Variants in SOX6 observed in about 807,000 individuals in gnomAD.
SOX6 encodes transcription factor SOX-6.
A neutral mutation model predicts 97.8 loss-of-function variants in SOX6; 11 were observed. The observed-to-expected ratio is 0.11, with a 90% CI of 0.07 to 0.19. SOX6 has a LOEUF of 0.19. Ranked by LOEUF, SOX6 falls within the 10% of genes least tolerant of loss-of-function variation. The pLI is 1.00. For synonymous variants in SOX6, 360 were observed against 371.4 expected (o/e 0.97, Z 0.35); for missense variants, 810 against 1,039.5 (o/e 0.78, Z 3.04).
At chr11:16,082,131 T>A (rs1019045737) in intron 9 of SOX6, among the ~76,000 whole-genome samples, 1 of 152,210 alleles carries the variant, frequency 6.6e-6, no homozygotes, top group Non-Finnish European at 1.5e-5. Context: ...CCCATCTTTT[T>A]AGAATCAGCC....
chr11:16,448,294 C>G (rs1371533662), intron 1 of SOX6, among the ~76,000 whole-genome samples: 3 of 152,200 alleles, frequency 2.0e-5, no homozygotes, highest in African/African-American at 7.2e-5. Flanking sequence ...TTCCCCTACA[C>G]TTTGAGCTCA....
intron 3 of SOX6, among the ~76,000 whole-genome samples, chr11:16,644,184 G>C (rs950591992): frequency 6.6e-6 from 1 of 152,106 alleles, no homozygotes; most frequent in Non-Finnish European, 1.5e-5. Flanking sequence ...GGGACCCCCA[G>C]CATGTGCCAC....
intron 3 of SOX6, among the ~76,000 whole-genome samples, chr11:16,694,292 C>T (rs1181620893): frequency 1.3e-5 from 2 of 152,146 alleles, no homozygotes; most frequent in African/African-American, 4.8e-5. Context: ...GTTTGGGAGG[C>T]CATGACAGGA....
At chr11:16,369,164 C>G (rs1857439416) in intron 1 of SOX6, among the ~76,000 whole-genome samples, 1 of 151,970 alleles carries the variant, frequency 6.6e-6, no homozygotes, top group Non-Finnish European at 1.5e-5. Flanking sequence ...CAAAGCAAAT[C>G]AAAACAATGA....
At chr11:16,046,746 C>A (rs773309768) in intron 11 of SOX6, 45 bp from the exon 12 acceptor site, 2 of 1,582,596 alleles carry the variant, frequency 1.3e-6, no homozygotes, top group African/African-American at 2.7e-5. Flanking sequence ...AGGTCAGACT[C>A]CTAAAAAGTA....
intron 6 of SOX6, among the ~76,000 whole-genome samples, chr11:16,117,669 T>C (rs1258428567): frequency 6.6e-6 from 1 of 152,178 alleles, no homozygotes; most frequent in Non-Finnish European, 1.5e-5. Context: ...TTTCCTTTTA[T>C]GGAAGTTGTG....
intron 3 of SOX6, among the ~76,000 whole-genome samples, chr11:16,684,853 C>G (rs1390668452): frequency 6.6e-6 from 1 of 152,176 alleles, no homozygotes; most frequent in Non-Finnish European, 1.5e-5. Context: ...ATTCTGCAGG[C>G]TGCACAGAAA....
chr11:16,564,577 C>A (rs1204362415), intron 4 of SOX6, among the ~76,000 whole-genome samples: 1 of 151,968 alleles, frequency 6.6e-6, no homozygotes, highest in Non-Finnish European at 1.5e-5. Flanking sequence ...AAACAAAACT[C>A]AACAAATTTT....
At chr11:16,159,150 G>A (rs994528495) in intron 6 of SOX6, among the ~76,000 whole-genome samples, 2 of 151,942 alleles carry the variant, frequency 1.3e-5, no homozygotes, top group Non-Finnish European at 2.9e-5. Flanking sequence ...CTGTTTATTA[G>A]TTTTTCTGCT....
At chr11:16,076,212 A>T (rs1683977460) in intron 9 of SOX6, among the ~76,000 whole-genome samples, 1 of 152,218 alleles carries the variant, frequency 6.6e-6, no homozygotes, top group South Asian at 2.1e-4. Context: ...CAAAGATTTA[A>T]TGACGAAGAT....
chr11:16,317,856 G>T, intron 3 of SOX6: 1 of 318,632 alleles, frequency 3.1e-6, no homozygotes, highest in Non-Finnish European at 6.3e-6. Flanking sequence ...TCTTTCATTT[G>T]TTTTCTAGGA....
At chr11:16,001,758 T>C (rs963355919) in intron 13 of SOX6, among the ~76,000 whole-genome samples, 1 of 152,186 alleles carries the variant, frequency 6.6e-6, no homozygotes, top group African/African-American at 2.4e-5. Flanking sequence ...AGGACTAAAA[T>C]TATAGCTGGG....
intron 1 of SOX6, among the ~76,000 whole-genome samples, chr11:16,389,733 C>T (rs1354199262): frequency 1.3e-5 from 2 of 151,792 alleles, no homozygotes; most frequent in East Asian, 3.9e-4. Context: ...CTTTGGGAGG[C>T]CGAGGTGGGC....
intron 3 of SOX6, chr11:16,283,883 A>G (rs1271333883): frequency 7.0e-6 from 3 of 427,600 alleles, no homozygotes; most frequent in Non-Finnish European, 1.4e-5. Flanking sequence ...GTTTAAAATA[A>G]CTAAGGTACT....
intron 2 of SOX6, among the ~76,000 whole-genome samples, chr11:16,319,038 T>C (rs1160950303): frequency 1.3e-5 from 2 of 152,158 alleles, no homozygotes; most frequent in African/African-American, 4.8e-5. Flanking sequence ...TTTCTTTTAA[T>C]TGGACACTTT....
chr11:16,263,791 G>A (rs1325832165), intron 3 of SOX6, among the ~76,000 whole-genome samples: 3 of 151,778 alleles, frequency 2.0e-5, no homozygotes, highest in African/African-American at 7.2e-5. Context: ...TGCAAAAATA[G>A]TACAGAGATT....
chr11:16,148,928 C>T (rs960356185), intron 6 of SOX6, among the ~76,000 whole-genome samples: 7 of 152,042 alleles, frequency 4.6e-5, no homozygotes, highest in African/African-American at 1.7e-4. Context: ...AGCAATAATC[C>T]CTTCTGTACT....
chr11:16,315,488 C>T lies in SOX6; in HGVS notation c.445+2958G>A, dbSNP rs1001931068. The T allele has an allele frequency of 3.3e-5, 5 of 152,060 alleles. 1 individual carries two copies. Among genetic ancestry groups the T allele is most frequent in the Admixed American group, 3.3e-4 (5 of 15,254 alleles). 9.4% of individuals were successfully genotyped at this position (152,060 alleles called of 1,614,324 possible). A position where few individuals can be genotyped will look rare whatever the true frequency, so the allele number is the denominator to read the frequency against. Reference sequence around the variant, plus strand: ...CTGTAGAATATTTTATAAGAATGTTCATAAAAATTCATAGTCTTGGCATTG... The same window carrying T: ...CTGTAGAATATTTTATAAGAATGTTTATAAAAATTCATAGTCTTGGCATTG... On this transcript the variant is annotated intron_variant, in intron 3 of 15. Transcript: ENST00000683767.
intron 4 of SOX6, among the ~76,000 whole-genome samples, chr11:16,503,686 A>T (rs1272742691): frequency 6.6e-6 from 1 of 152,150 alleles, no homozygotes; most frequent in Admixed American, 6.5e-5. Context: ...AACAGTAAGT[A>T]AAAAGAGATG....
Sources: allele counts gnomAD v4.1 joint callset (sites outside exome capture counted in the v4.1 genomes callset), GRCh38; gene constraint gnomAD v4.1.1; transcripts MANE v1.5; gene names NCBI Gene and HGNC (gene_info 2026-07-23, HGNC 2026-07-21).